SLC15A2: variants seen among roughly 807,000 people sequenced by gnomAD.
The protein encoded by SLC15A2 is kidney H(+)/peptide cotransporter.
In SLC15A2, 77 loss-of-function variants were observed where a neutral mutation model predicts 95.5. The ratio of observed to expected loss-of-function variants is 0.81; its 90% CI spans 0.67 to 0.97. SLC15A2 has a LOEUF of 0.97. SLC15A2 is among the 50% of genes least tolerant of loss of function. The pLI, the probability that SLC15A2 is intolerant of heterozygous loss-of-function variation, is 0.00. For missense variants in SLC15A2, 893 were observed against 874.4 expected (o/e 1.02, Z -0.27); for synonymous variants, 306 against 306.9 (o/e 1.00, Z 0.03).
rs1371070665 is a variant in SLC15A2, at chr3:121,930,910, G to C, written c.1624G>C (p.Asp542His). The C allele has an allele frequency of 6.2e-7, 1 of 1,613,468 alleles. No homozygotes were observed. Among genetic ancestry groups the C allele is most frequent in the East Asian group, 2.2e-5 (1 of 44,874 alleles). Residue 542 changes from aspartate to histidine, a missense_variant, in exon 18 of 22, where the codon GAC becomes CAC. By Grantham distance (81) the Asp-to-His change is moderately conservative. Coordinates refer to ENST00000489711, the MANE Select transcript of SLC15A2 (RefSeq NM_021082.4). ...AGATACCTCTCTCAATGTTGGTGAA[G>C]ACTATGGTGTGTCTGCTTATAGAAC... is the stretch of plus-strand genomic sequence containing the variant. The part of the protein sequence containing the change: ...STDTSLNVGE[D>H]YGVSAYRTVQ...
At chr3:121,933,214 A>C (rs1429653714) in intron 19 of SLC15A2, among the ~76,000 whole-genome samples, 1 of 148,944 alleles carries the variant, frequency 6.7e-6, no homozygotes, top group Non-Finnish European at 1.5e-5. Context: ...TAATGCCGCA[A>C]TAAACATATG....
intron 3 of SLC15A2, among the ~76,000 whole-genome samples, chr3:121,898,733 G>T (rs1709467399): frequency 6.6e-6 from 1 of 152,174 alleles, no homozygotes. Flanking sequence ...GAAGGTTGTA[G>T]TATGTAGTGT....
chr3:121,931,833 G>T, intron 19 of SLC15A2, 98 bp downstream of exon 19: 1 of 686,676 alleles, frequency 1.5e-6, no homozygotes, highest in Non-Finnish European at 2.6e-6. Context: ...AAGACTCTGT[G>T]GCAAAGCAGA....
intron 19 of SLC15A2, among the ~76,000 whole-genome samples, chr3:121,933,320 C>T (rs1171305546): frequency 6.6e-6 from 1 of 151,274 alleles, no homozygotes; most frequent in East Asian, 1.9e-4. Context: ...AGTTCTAGAT[C>T]CCTGAGGAAT....
At chr3:121,932,216 T>C (rs1019995166) in intron 19 of SLC15A2, among the ~76,000 whole-genome samples, 11 of 152,154 alleles carry the variant, frequency 7.2e-5, no homozygotes, top group African/African-American at 2.7e-4. Context: ...ACAGTGACTT[T>C]AGAAAGCCCA....
At chr3:121,935,202 C>T (rs1188255350) in intron 19 of SLC15A2, among the ~76,000 whole-genome samples, 1 of 152,148 alleles carries the variant, frequency 6.6e-6, no homozygotes, top group Non-Finnish European at 1.5e-5. Flanking sequence ...CCATGTTCAT[C>T]GAGGATATTG....
rs371416239 is a variant in SLC15A2 at position 121,894,492 on chromosome 3, A to C, written c.16A>C (p.Lys6Gln). 3.1e-6 allele frequency: 5 copies of C among 1,612,196 alleles called. No homozygotes were observed. The African/African-American group carries it at 5.3e-5, about 17-fold the overall frequency. Reference sequence around the variant, plus strand: ...GGAGCCAGCCATGAATCCTTTCCAGAAAAATGAGTCCAAGGAAACTCTTTT... The same window carrying C: ...GGAGCCAGCCATGAATCCTTTCCAGCAAAATGAGTCCAAGGAAACTCTTTT... MNPFQ[K>Q]NESKETLFSP... The change falls in exon 1 of 22, where the codon AAA becomes CAA. Residue 6 changes from lysine to glutamine, a missense_variant. Coordinates refer to ENST00000489711, the MANE Select transcript of SLC15A2 (RefSeq NM_021082.4).
At chr3:121,904,362 C>T (rs1366733415) in intron 3 of SLC15A2, among the ~76,000 whole-genome samples, 2 of 152,142 alleles carry the variant, frequency 1.3e-5, no homozygotes, top group African/African-American at 4.8e-5. Context: ...TGCCTAATTG[C>T]CCTGGCCAGA....
Position 121,915,256 on chromosome 3 carries a change from C to T in SLC15A2, c.558C>T (p.Val186=), listed in dbSNP as rs1466635012. The T allele has an allele frequency of 3.7e-6, 6 of 1,613,612 alleles. No individual in the cohort carries two copies. In the Admixed American group the frequency reaches 1.0e-4, roughly 27 times the overall value. ...HAEERTRYFS[V]FYLSINAGSL... ...AGGAACGGACTAGATACTTCTCAGT[C>T]TTCTACCTGTCCATCAATGCAGGGA... The change falls in exon 6 of 22, where the codon GTC becomes GTT. Residue 186 remains valine, a synonymous_variant. Coordinates refer to ENST00000489711, the MANE Select transcript of SLC15A2 (RefSeq NM_021082.4).
At position 121,923,267 on chromosome 3, in the gene SLC15A2, G is replaced by A; in HGVS notation, c.1002+1G>A. On this transcript the variant is annotated splice_donor_variant, in intron 11 of 21. Transcript: ENST00000489711. LOFTEE classifies it high-confidence loss of function. ...AGCCATCAGGATGAATAGGAATTTG[G>A]TGAGTAGAAGAGATTTTCCAGAGAA... 1.2e-6 allele frequency: 2 copies of A among 1,613,716 alleles called. No individual in the cohort carries two copies. Among genetic ancestry groups the A allele is most frequent in the Non-Finnish European group, 1.7e-6 (2 of 1,179,724 alleles).
At chr3:121,934,730 C>G (rs1217155494) in intron 19 of SLC15A2, among the ~76,000 whole-genome samples, 1 of 152,184 alleles carries the variant, frequency 6.6e-6, no homozygotes, top group Admixed American at 6.5e-5. Flanking sequence ...TTGACTTCCT[C>G]TTTTCCTAAT....
rs139792607 is a variant in SLC15A2, at chr3:121,897,464, C to T, written c.270C>T (p.Ser90=). The change falls in exon 3 of 22, where the codon AGC becomes AGT. Residue 90 remains serine, a synonymous_variant. Transcript: ENST00000489711. ...DTSTSIYHAF[S]SLCYFTPILG... ...CCACATCTATATACCATGCCTTCAG[C>T]AGCCTCTGTTATTTTACTCCCATCC... The T allele has an allele frequency of 3.1e-6, 5 of 1,614,098 alleles. No individual in the cohort carries two copies. The highest frequency in any genetic ancestry group is 3.4e-6 in the Non-Finnish European group (4 of 1,179,984).
chr3:121,938,163 T>G (rs1710386903), intron 19 of SLC15A2, among the ~76,000 whole-genome samples: 1 of 151,202 alleles, frequency 6.6e-6, no homozygotes, highest in Admixed American at 6.6e-5. Flanking sequence ...CACTGCTCTC[T>G]TCAAAGCTGT....
At chr3:121,919,259 C>A (rs902432309) in intron 7 of SLC15A2, among the ~76,000 whole-genome samples, 3 of 152,188 alleles carry the variant, frequency 2.0e-5, no homozygotes, top group Non-Finnish European at 4.4e-5. Context: ...GCTTGGCGAG[C>A]TGCCCAGGGG....
chr3:121,939,857 C>T (rs771312800), intron 20 of SLC15A2, among the ~76,000 whole-genome samples: 1 of 152,056 alleles, frequency 6.6e-6, no homozygotes, highest in Non-Finnish European at 1.5e-5. Flanking sequence ...CAGCTCACTG[C>T]ATTCCAGCCT....
intron 19 of SLC15A2, among the ~76,000 whole-genome samples, chr3:121,933,171 T>A (rs1198857604): frequency 6.1e-5 from 9 of 147,324 alleles, no homozygotes; most frequent in Non-Finnish European, 1.0e-4. Flanking sequence ...TTGTTGGACA[T>A]TTGGGTTGGT....
chr3:121,932,235 G>C (rs1341090685), intron 19 of SLC15A2, among the ~76,000 whole-genome samples: 1 of 152,148 alleles, frequency 6.6e-6, no homozygotes, highest in East Asian at 1.9e-4. Context: ...CACTGTCTCT[G>C]TAGGGGTTGT....
At chr3:121,895,156 T>G (rs571632721) in intron 1 of SLC15A2, among the ~76,000 whole-genome samples, 1 of 152,206 alleles carries the variant, frequency 6.6e-6, no homozygotes, top group Non-Finnish European at 1.5e-5. Context: ...GGGGAGGATA[T>G]AGTAATGATA....
In SLC15A2 at chr3:121,897,482, T is replaced by C. The variant is rs1179517138; in HGVS notation, c.288T>C (p.Thr96=). The change falls in exon 3 of 22, where the codon ACT becomes ACC. Residue 96 remains threonine, a synonymous_variant. Coordinates refer to ENST00000489711, the MANE Select transcript of SLC15A2 (RefSeq NM_021082.4). ...CCTTCAGCAGCCTCTGTTATTTTAC[T>C]CCCATCCTGGGAGCAGCCATTGCTG... The part of the protein sequence containing the change: ...YHAFSSLCYF[T]PILGAAIADS... 1.2e-6 allele frequency: 2 copies of C among 1,614,062 alleles called. No individual in the cohort carries two copies. The highest frequency in any genetic ancestry group is 2.2e-5 in the East Asian group (1 of 44,860).
Sources: gnomAD v4.1 joint callset for allele counts (sites outside exome capture counted in the v4.1 genomes callset) on GRCh38, gnomAD v4.1.1 for gene constraint, MANE v1.5 for transcripts, NCBI Gene and HGNC (gene_info 2026-07-23, HGNC 2026-07-21) for gene names.